PPFIA2: variants seen among roughly 807,000 people sequenced by gnomAD.
PPFIA2 encodes liprin-alpha-2.
PPFIA2 carries 46 observed loss-of-function variants against 175.5 expected under a neutral mutation model. That is an observed-to-expected ratio of 0.26 (90% confidence interval 0.21 to 0.34). PPFIA2 has a LOEUF of 0.34. Among genes scored for constraint, PPFIA2 ranks in the 10% least tolerant of loss-of-function variants. The probability of loss-of-function intolerance (pLI) is 1.00; values close to 1 mark genes in which losing one functional copy is unlikely to be tolerated. For missense variants in PPFIA2, 1,179 were observed against 1,506.1 expected, an observed-to-expected ratio of 0.78 and a Z score of 3.60; for synonymous variants, 568 against 511.4, an observed-to-expected ratio of 1.11 and a Z score of -1.49.
At chr12:81,368,311 C>T (rs1460921195) in intron 13 of PPFIA2, 1 of 463,586 alleles carries the variant, frequency 2.2e-6, no homozygotes, top group South Asian at 2.0e-5. Flanking sequence ...AACTCACTTA[C>T]ATTTTGACTT....
At chr12:81,675,732 T>G (rs541264929) in intron 4 of PPFIA2, 1 of 152,182 alleles carries the variant, frequency 6.6e-6, no homozygotes, top group South Asian at 2.1e-4. Flanking sequence ...CCATTAATCC[T>G]GTCAATATAC....
chr12:81,713,492 A>C (rs2078213773), intron 3 of PPFIA2, among the ~76,000 whole-genome samples: 2 of 151,290 alleles, frequency 1.3e-5, no homozygotes, highest in African/African-American at 4.8e-5. Context: ...AAAATGCTTT[A>C]GTACCTTTAA....
At chr12:81,683,441 C>T (rs151045321) in intron 3 of PPFIA2, among the ~76,000 whole-genome samples, 1 of 151,882 alleles carries the variant, frequency 6.6e-6, no homozygotes, top group Non-Finnish European at 1.5e-5. Flanking sequence ...CCCAACTATC[C>T]ATTTAAATTT....
chr12:81,437,626 C>T (rs1566827426), intron 7 of PPFIA2, among the ~76,000 whole-genome samples: 1 of 152,140 alleles, frequency 6.6e-6, no homozygotes. Context: ...TCATATTAAG[C>T]CATGCTTTTA....
intron 4 of PPFIA2, among the ~76,000 whole-genome samples, chr12:81,656,635 T>C (rs570992896): frequency 1.3e-5 from 2 of 152,080 alleles, no homozygotes; most frequent in Non-Finnish European, 2.9e-5. Context: ...GGATTTTCTA[T>C]AAAAGTTCTC....
intron 4 of PPFIA2, among the ~76,000 whole-genome samples, chr12:81,464,475 T>C (rs1018393805): frequency 6.6e-6 from 1 of 152,158 alleles, no homozygotes; most frequent in Non-Finnish European, 1.5e-5. Context: ...TTCACTCTTT[T>C]GTGCTGACTT....
intron 22 of PPFIA2, among the ~76,000 whole-genome samples, chr12:81,300,762 T>C (rs1449668846): frequency 6.6e-6 from 1 of 152,136 alleles, no homozygotes; most frequent in Non-Finnish European, 1.5e-5. Context: ...GACATTCCTT[T>C]AGTGAAAACC....
chr12:81,419,331 AAAAAAG>A (rs1228477681), intron 7 of PPFIA2, among the ~76,000 whole-genome samples: 2 of 152,108 alleles, frequency 1.3e-5, no homozygotes, highest in Non-Finnish European at 2.9e-5. Flanking sequence ...TTATTCATGA[AAAAAAG>A]AAAATCAGTT....
intron 4 of PPFIA2, among the ~76,000 whole-genome samples, chr12:81,626,589 A>T (rs1339276192): frequency 6.6e-6 from 1 of 152,086 alleles, no homozygotes; most frequent in African/African-American, 2.4e-5. Context: ...ACTGCAAACA[A>T]TGACAAAATT....
At chr12:81,493,419 C>A (rs2059627076) in intron 4 of PPFIA2, among the ~76,000 whole-genome samples, 1 of 151,884 alleles carries the variant, frequency 6.6e-6, no homozygotes, top group Non-Finnish European at 1.5e-5. Context: ...GTGGCTATTA[C>A]AGGGATGGGA....
intron 3 of PPFIA2, among the ~76,000 whole-genome samples, chr12:81,726,357 C>T (rs2080075961): frequency 6.6e-6 from 1 of 151,124 alleles, no homozygotes; most frequent in Non-Finnish European, 1.5e-5. Context: ...TTTCTCTTAA[C>T]CCCACTTTAC....
chr12:81,368,037 A>C, intron 13 of PPFIA2: 1 of 1,107,108 alleles, frequency 9.0e-7, no homozygotes. Context: ...ATGTCTAGCT[A>C]AAATAGTGAT....
At chr12:81,730,481 A>C (rs2080733312) in intron 3 of PPFIA2, among the ~76,000 whole-genome samples, 1 of 151,634 alleles carries the variant, frequency 6.6e-6, no homozygotes, top group South Asian at 2.1e-4. Flanking sequence ...CCAGATGCTT[A>C]TGAAACCATC....
intron 4 of PPFIA2, among the ~76,000 whole-genome samples, chr12:81,635,896 T>A (rs1345824440): frequency 6.6e-6 from 1 of 151,604 alleles, no homozygotes; most frequent in East Asian, 1.9e-4. Context: ...TGTGGCCATT[T>A]TGGGAAAATG....
At chr12:81,267,658 G>C (rs982654154) in intron 29 of PPFIA2, among the ~76,000 whole-genome samples, 6 of 151,816 alleles carry the variant, frequency 4.0e-5, no homozygotes, top group Non-Finnish European at 7.4e-5. Context: ...ATTTCATTTA[G>C]TGGAATCTGG....
At chr12:81,525,682 A>G (rs940629672) in intron 4 of PPFIA2, among the ~76,000 whole-genome samples, 8 of 152,250 alleles carry the variant, frequency 5.3e-5, no homozygotes, top group African/African-American at 1.7e-4. Context: ...TTAAGTTGCT[A>G]AATGTGTGGT....
At chr12:81,303,140 T>C (rs2048282769) in intron 22 of PPFIA2, among the ~76,000 whole-genome samples, 2 of 152,198 alleles carry the variant, frequency 1.3e-5, no homozygotes, top group Non-Finnish European at 2.9e-5. Flanking sequence ...ATTTTCTTTG[T>C]AGCCAGAATT....
At chr12:81,333,794 T>TA (rs368085381) in intron 21 of PPFIA2, among the ~76,000 whole-genome samples, 9 of 152,268 alleles carry the variant, frequency 5.9e-5, no homozygotes, top group Non-Finnish European at 1.2e-4. Flanking sequence ...ATCAATCAGA[T>TA]ACCTGAGCTG....
chr12:81,439,897 A>T (rs769882027), intron 7 of PPFIA2, 75 bp downstream of exon 7: 68 of 1,187,884 alleles, frequency 5.7e-5, no homozygotes, highest in South Asian at 5.6e-4. Flanking sequence ...AGTTATAATA[A>T]AAGTGACGTG....
Sources: gnomAD v4.1 joint callset for allele counts (sites outside exome capture counted in the v4.1 genomes callset) on GRCh38, gnomAD v4.1.1 for gene constraint, MANE v1.5 for transcripts, NCBI Gene and HGNC (gene_info 2026-07-23, HGNC 2026-07-21) for gene names.